The following MILR1 variants were observed in gnomAD, a reference collection of about 807,000 sequenced individuals.
MILR1 encodes the protein allergin-1.
MILR1 carries 31 observed loss-of-function variants against 18.5 expected under a neutral mutation model. The observed-to-expected ratio is 1.68, with a 90% CI of 1.26 to 2.26. MILR1 has a LOEUF of 2.26. Ranked by LOEUF, MILR1 falls within the 30% of genes most tolerant of loss-of-function variation. The pLI is 0.00. For synonymous variants in MILR1, 85 were observed against 56.2 expected (o/e 1.51, Z -2.30); for missense variants, 257 against 157.4 (o/e 1.63, Z -3.38).
intron 3 of MILR1, 65 bp downstream of exon 3, chr17:64,452,931 G>T: frequency 2.2e-6 from 1 of 456,924 alleles, no homozygotes. Flanking sequence ...TTCTATGAGG[G>T]GCTCTCCATG....
At chr17:64,469,495 T>G (rs2037654174), downstream of MILR1, among the ~76,000 whole-genome samples, 1 of 152,204 alleles carries the variant, frequency 6.6e-6, no homozygotes, top group Non-Finnish European at 1.5e-5. Flanking sequence ...CCTCCCGGAT[T>G]AAAGCGATTC....
At chr17:64,488,618 T>C in the MILR1 span, among the ~76,000 whole-genome samples, 8 of 152,302 alleles carry the variant, frequency 5.3e-5, no homozygotes, top group Middle Eastern at 3.4e-3. Context: ...AGTCACAAGG[T>C]TGAGCTGTTC....
downstream of MILR1, among the ~76,000 whole-genome samples, chr17:64,473,345 C>T (rs571804922): frequency 4.3e-4 from 56 of 130,420 alleles, no homozygotes; most frequent in African/African-American, 1.7e-3. Flanking sequence ...AGGAAGGCTC[C>T]GTCTCAAAAA....
chr17:64,459,171 A>G (rs2037367627), intron 4 of MILR1, among the ~76,000 whole-genome samples: 1 of 152,158 alleles, frequency 6.6e-6, no homozygotes, highest in African/African-American at 2.4e-5. Context: ...AGTGGCTCAC[A>G]CCTGTAATTC....
rs1244896161 is a variant in MILR1, at chr17:64,465,485, G to A, written c.797G>A (p.Arg266His). 9 of 1,610,660 alleles carry A rather than the reference G, an allele frequency of 5.6e-6. No individual in the cohort carries two copies. The highest frequency in any genetic ancestry group is 4.5e-5 in the East Asian group (2 of 44,838). ...ATGAGAAATAATGTGCCCAGGGACC[G>A]TGGAGACACAGCCATGGAAGTTGGA... ...KAMRNNVPRD[R>H]GDTAMEVGIY... Residue 266 changes from arginine to histidine, a missense_variant, in exon 6 of 10, where the codon CGT becomes CAT. Coordinates refer to ENST00000619286, the MANE Select transcript of MILR1 (RefSeq NM_001085423.2).
At chr17:64,469,558 C>T (rs575889722), downstream of MILR1, among the ~76,000 whole-genome samples, 7 of 152,282 alleles carry the variant, frequency 4.6e-5, 1 homozygote, top group African/African-American at 1.2e-4. Context: ...CCACCATGCC[C>T]GGCTAATTTT....
the MILR1 span, among the ~76,000 whole-genome samples, chr17:64,474,063 T>C: frequency 6.6e-6 from 1 of 152,188 alleles, no homozygotes; most frequent in Admixed American, 6.5e-5. Flanking sequence ...CATAATTTAT[T>C]TTTCATTTGT....
At chr17:64,466,890 A>G (rs1240583575) in intron 8 of MILR1, among the ~76,000 whole-genome samples, 1 of 152,096 alleles carries the variant, frequency 6.6e-6, no homozygotes, top group African/African-American at 2.4e-5. Flanking sequence ...CATAGAAAAA[A>G]AACCCAGAGA....
chr17:64,489,981 G>A, the MILR1 span, among the ~76,000 whole-genome samples: 4 of 151,746 alleles, frequency 2.6e-5, no homozygotes, highest in African/African-American at 9.7e-5. Context: ...CTGCAGTGCA[G>A]TGGCACGATC....
rs948313432 is a variant in MILR1 at position 64,452,975 on chromosome 17, G to A, written c.367+109G>A. 5.3e-5 allele frequency: 22 copies of A among 418,294 alleles called. No homozygotes were observed. In the East Asian group the frequency reaches 6.6e-4, roughly 13 times the overall value. 25.9% of individuals were successfully genotyped at this position (418,294 alleles called of 1,614,324 possible). ...GAACACTTAAGAACCTGGAAAGTAT[G>A]TTACTGCGAGCTTTATTCTTTTTTT... On this transcript the variant is annotated intron_variant, in intron 3 of 9. Coordinates refer to ENST00000619286, the MANE Select transcript of MILR1 (RefSeq NM_001085423.2).
chr17:64,466,989 TTCTG>T lies in MILR1; in HGVS notation c.979+331_979+334del, dbSNP rs547923761. 2.6e-4 allele frequency among the ~76,000 whole-genome samples: 39 copies of T among 151,998 alleles called. 1 individual carries two copies. In the South Asian group the frequency reaches 5.2e-3, roughly 20 times the overall value. The stretch of plus-strand genomic sequence containing the variant: ...CCTCTCTCTCTTTCTTTCTTTCTCT[TTCTG>T]TCTCTCTTTATTTTTTCTTTTTCTT... On this transcript the variant is annotated intron_variant, in intron 8 of 9. Coordinates refer to ENST00000619286, the MANE Select transcript of MILR1 (RefSeq NM_001085423.2).
chr17:64,480,962 C>T, the MILR1 span, among the ~76,000 whole-genome samples: 1 of 152,182 alleles, frequency 6.6e-6, no homozygotes, highest in Non-Finnish European at 1.5e-5. Context: ...GAATAAATGA[C>T]ACAGTAAACT....
chr17:64,481,664 G>C, the MILR1 span, among the ~76,000 whole-genome samples: 1 of 152,086 alleles, frequency 6.6e-6, no homozygotes, highest in Non-Finnish European at 1.5e-5. Flanking sequence ...CTTGAGGTCA[G>C]GAGTTGGAGA....
the MILR1 span, chr17:64,497,057 CGGCGCA>C: frequency 7.5e-7 from 1 of 1,330,958 alleles, no homozygotes; most frequent in Non-Finnish European, 1.1e-6. Flanking sequence ...GGAGAGGCCA[CGGCGCA>C]GGCGCAACGG....
the MILR1 span, among the ~76,000 whole-genome samples, chr17:64,483,252 G>T: frequency 3.9e-5 from 6 of 152,264 alleles, no homozygotes; most frequent in South Asian, 1.2e-3. Flanking sequence ...GGTGGTACAT[G>T]CCTATAATTC....
At chr17:64,472,401 G>A (rs1398373776), downstream of MILR1, among the ~76,000 whole-genome samples, 8 of 144,256 alleles carry the variant, frequency 5.5e-5, no homozygotes, top group Non-Finnish European at 1.0e-4. Flanking sequence ...GGGAGGTGGA[G>A]GTTGCAGTGA....
intron 9 of MILR1, 122 bp from the exon 10 acceptor site, chr17:64,468,188 T>G: frequency 2.2e-6 from 1 of 454,412 alleles, no homozygotes; most frequent in East Asian, 7.0e-5. Flanking sequence ...GGGAGGACCC[T>G]CCTTGCCTCT....
At chr17:64,491,110 T>A in the MILR1 span, 18 of 708,130 alleles carry the variant, frequency 2.5e-5, no homozygotes, top group Non-Finnish European at 4.3e-5. Flanking sequence ...GAATACAAAT[T>A]TTAAAGTTTA....
At chr17:64,485,937 G>T in the MILR1 span, 2 of 1,481,572 alleles carry the variant, frequency 1.3e-6, no homozygotes, top group African/African-American at 1.4e-5. Context: ...TTTTGAGACG[G>T]AGTCTCACTC....
Sources: gnomAD v4.1 joint callset for allele counts (sites outside exome capture counted in the v4.1 genomes callset) on GRCh38, gnomAD v4.1.1 for gene constraint, MANE v1.5 for transcripts, NCBI Gene and HGNC (gene_info 2026-07-23, HGNC 2026-07-21) for gene names.